Variants in CCDC141 observed in about 807,000 individuals in gnomAD.
The protein encoded by CCDC141 is coiled-coil domain containing 141.
A neutral mutation model predicts 181.0 loss-of-function variants in CCDC141; 168 were observed. The observed-to-expected ratio is 0.93, with a 90% CI of 0.82 to 1.05. The LOEUF is 1.05. Ranked by LOEUF, CCDC141 falls within the 50% of genes least tolerant of loss-of-function variation. The pLI is 0.00. For missense variants in CCDC141, 1,902 were observed against 1,788.5 expected, an observed-to-expected ratio of 1.06 and a Z score of -1.14; for synonymous variants, 666 against 642.3, an observed-to-expected ratio of 1.04 and a Z score of -0.56.
chr2:178,883,042 T>G (rs1438683109), intron 11 of CCDC141, among the ~76,000 whole-genome samples: 1 of 152,186 alleles, frequency 6.6e-6, no homozygotes, highest in Non-Finnish European at 1.5e-5. Flanking sequence ...GAAGCTAAAA[T>G]GTTTTGATTA....
At chr2:178,906,496 T>A (rs10210588) in intron 7 of CCDC141, among the ~76,000 whole-genome samples, 7,224 of 152,284 alleles carry the variant, frequency 0.047, 458 homozygotes, top group South Asian at 0.21. Context: ...CTGAATGGCA[T>A]GGGAGGTCTT....
chr2:178,981,476 C>A (rs1165774120), intron 2 of CCDC141, among the ~76,000 whole-genome samples: 2 of 151,216 alleles, frequency 1.3e-5, no homozygotes, highest in African/African-American at 2.4e-5. Flanking sequence ...TAATATTAAA[C>A]AACACACTTT....
rs774527302 is a variant in CCDC141 at position 178,836,984 on chromosome 2, G to C, written c.4235C>G (p.Ser1412Cys). The C allele has an allele frequency of 6.2e-7, 1 of 1,613,986 alleles. No homozygotes were observed. The highest frequency in any genetic ancestry group is 8.5e-7 in the Non-Finnish European group (1 of 1,179,952). Residue 1412 changes from serine (S) to cysteine (C), a missense_variant, in exon 23 of 24, where the codon TCC becomes TGC. By Grantham distance (112) the Ser-to-Cys change is moderately radical. Transcript: ENST00000443758. ...VSLADQAPNF[S>C]RLLSNVTVME... is the part of the protein sequence containing the mutation. Reference sequence around the variant, plus strand: ...GACAGTTACATTAGACAGGAGCCTGGAGAAATTAGGTGCCTGGTCAGCTAG... The same window carrying C: ...GACAGTTACATTAGACAGGAGCCTGCAGAAATTAGGTGCCTGGTCAGCTAG...
rs3045637 is a variant in CCDC141 at position 178,885,244 on chromosome 2, T to TAAAA, written c.1528-156_1528-153dup. 4.2e-4 allele frequency among the ~76,000 whole-genome samples: 58 copies of TAAAA among 137,188 alleles called. No individual in the cohort carries two copies. The East Asian group carries it at 5.3e-3, about 12-fold the overall frequency. The allele number at this position is 137,188 out of a possible 152,430, so 90.0% of individuals were successfully genotyped here. ...AAGAAAGACACAACTTCCAAAATTC[T>TAAAA]AAAAAAAAAAAAAAGGGCACTTTAG... On this transcript the variant is annotated intron_variant, in intron 10 of 23. Transcript: ENST00000443758.
In CCDC141 at chr2:178,845,670, G is replaced by C. The variant is rs1356298452; in HGVS notation, c.3430C>G (p.Pro1144Ala). The C allele has an allele frequency of 6.2e-7, 1 of 1,611,088 alleles. No individual in the cohort carries two copies. The highest frequency in any genetic ancestry group is 1.1e-5 in the South Asian group (1 of 90,856). Reference sequence around the variant, plus strand: ...AATATTGTCTGCTTATTTTTTGCTGGTTCCTTTAGCAAGTCAATGTAATCA... The same window carrying C: ...AATATTGTCTGCTTATTTTTTGCTGCTTCCTTTAGCAAGTCAATGTAATCA... ...HYDYIDLLKE[P>A]AKNKQTIFNE... Residue 1144 changes from proline (P) to alanine (A), a missense_variant, in exon 22 of 24, where the codon CCA becomes GCA. Coordinates refer to ENST00000443758, the MANE Select transcript of CCDC141 (RefSeq NM_173648.4).
chr2:178,868,125 A>T lies in CCDC141; in HGVS notation c.2475T>A (p.Ile825=). Reference sequence around the variant, plus strand: ...GCTTTTCCTGAGAGCACCGGAGGTGAATCTGCACATCATGGGCATCACCCA... The same window carrying T: ...GCTTTTCCTGAGAGCACCGGAGGTGTATCTGCACATCATGGGCATCACCCA... ...KELGDAHDVQ[I]HLRCSQEKQA... The change falls in exon 16 of 24, where the codon ATT becomes ATA. Residue 825 remains isoleucine (I), a synonymous_variant. Coordinates refer to ENST00000443758, the MANE Select transcript of CCDC141 (RefSeq NM_173648.4). The T allele has an allele frequency of 6.2e-7, 1 of 1,614,076 alleles. No homozygotes were observed. Among genetic ancestry groups the T allele is most frequent in the East Asian group, 2.2e-5 (1 of 44,862 alleles).
intron 6 of CCDC141, among the ~76,000 whole-genome samples, chr2:178,935,325 T>C (rs1275734091): frequency 6.6e-6 from 1 of 152,118 alleles, no homozygotes; most frequent in East Asian, 1.9e-4. Context: ...TTCTTTGTGT[T>C]CATAAGTGCT....
At chr2:179,016,935 A>G (rs959119692) in intron 2 of CCDC141, among the ~76,000 whole-genome samples, 2 of 152,040 alleles carry the variant, frequency 1.3e-5, no homozygotes, top group Non-Finnish European at 2.9e-5. Flanking sequence ...AATATTTGAT[A>G]CAAAATATAT....
At chr2:178,980,732 G>A (rs1658100149) in intron 2 of CCDC141, among the ~76,000 whole-genome samples, 1 of 152,120 alleles carries the variant, frequency 6.6e-6, no homozygotes, top group African/African-American at 2.4e-5. Flanking sequence ...AAATAAATTG[G>A]AGTAACAATG....
At chr2:178,935,813 A>G (rs1023648291) in intron 6 of CCDC141, among the ~76,000 whole-genome samples, 2 of 152,012 alleles carry the variant, frequency 1.3e-5, no homozygotes, top group Non-Finnish European at 2.9e-5. Context: ...ATGGTATCTC[A>G]TTGTGGTTTT....
chr2:179,015,735 A>C (rs1446809788), intron 2 of CCDC141, among the ~76,000 whole-genome samples: 1 of 134,578 alleles, frequency 7.4e-6, no homozygotes, highest in Non-Finnish European at 1.6e-5. Context: ...TATATCTCAT[A>C]TATATATCTT....
intron 16 of CCDC141, 121 bp from the exon 17 acceptor site, chr2:178,866,037 G>T: frequency 9.3e-6 from 7 of 751,826 alleles, no homozygotes; most frequent in Non-Finnish European, 1.1e-5. Flanking sequence ...ATAGGTTCCT[G>T]ATTTATTTTA....
chr2:178,992,757 A>G (rs1413528445), intron 2 of CCDC141, among the ~76,000 whole-genome samples: 1 of 152,138 alleles, frequency 6.6e-6, no homozygotes, highest in Non-Finnish European at 1.5e-5. Context: ...TGTAGTTCCC[A>G]TAATTCCCAC....
chr2:178,978,771 G>T, intron 2 of CCDC141, 96 bp from the exon 3 acceptor site: 1 of 935,510 alleles, frequency 1.1e-6, no homozygotes, highest in South Asian at 2.2e-5. Context: ...AATTGCATGT[G>T]GTCTAGGAAA....
At chr2:178,818,759 A>T in the CCDC141 span, among the ~76,000 whole-genome samples, 2 of 152,198 alleles carry the variant, frequency 1.3e-5, no homozygotes, top group Non-Finnish European at 2.9e-5. Context: ...GTATCTTTAT[A>T]ACAGAATGAT....
rs759107058 is a variant in CCDC141 at position 178,853,597 on chromosome 2, C to T, written c.3088G>A (p.Ala1030Thr). The T allele has an allele frequency of 5.0e-6, 8 of 1,612,904 alleles. No individual in the cohort carries two copies. The highest frequency in any genetic ancestry group is 1.1e-5 in the South Asian group (1 of 90,916). Residue 1030 changes from alanine (A) to threonine (T), a missense_variant, in exon 20 of 24, where the codon GCC becomes ACC. Coordinates refer to ENST00000443758, the MANE Select transcript of CCDC141 (RefSeq NM_173648.4). ...TATTTTCCAACTCTTACAACTGTGG[C>T]ACTTGCATCTTCGTACCAAAAATGA... ...ECHFWYEDAS[A>T]TVVRVGKYST...
the CCDC141 span, among the ~76,000 whole-genome samples, chr2:178,816,844 T>A: frequency 1.7e-4 from 26 of 152,310 alleles, no homozygotes; most frequent in Non-Finnish European, 7.3e-5. Flanking sequence ...AACAATAACT[T>A]TAAACGTGGC....
chr2:178,874,861 C>T (rs534848487), intron 12 of CCDC141: 1 of 152,252 alleles, frequency 6.6e-6, no homozygotes, highest in African/African-American at 2.4e-5. Context: ...AAGACGTTGA[C>T]AAAATACCAG....
At chr2:178,893,188 T>C (rs944469347) in intron 8 of CCDC141, among the ~76,000 whole-genome samples, 1 of 151,232 alleles carries the variant, frequency 6.6e-6, no homozygotes, top group African/African-American at 2.4e-5. Context: ...ATTGAGCCAA[T>C]AGAGGGAAGT....
Sources: gnomAD v4.1 joint callset for allele counts (sites outside exome capture counted in the v4.1 genomes callset) on GRCh38, gnomAD v4.1.1 for gene constraint, MANE v1.5 for transcripts, NCBI Gene and HGNC (gene_info 2026-07-23, HGNC 2026-07-21) for gene names.